The following SPATA6L variants were observed in gnomAD, a reference collection of about 807,000 sequenced individuals.
SPATA6L encodes the protein spermatogenesis associated 6-like protein.
A neutral mutation model predicts 49.2 loss-of-function variants in SPATA6L; 68 were observed. That is an observed-to-expected ratio of 1.38 (90% CI 1.14 to 1.69). The LOEUF is 1.69. Ranked by LOEUF, SPATA6L falls within the 40% of genes most tolerant of loss-of-function variation. SPATA6L has a pLI of 0.00. For missense variants in SPATA6L, 668 were observed against 464.3 expected (o/e 1.44, Z -4.03); for synonymous variants, 198 against 165.7 (o/e 1.19, Z -1.50).
At chr9:4,661,113 T>C (rs556408390) in intron 2 of SPATA6L, among the ~76,000 whole-genome samples, 205 of 152,268 alleles carry the variant, frequency 1.3e-3, no homozygotes, top group African/African-American at 4.6e-3. Flanking sequence ...ACGTTGTGCA[T>C]ATGTACCCTA....
intron 4 of SPATA6L, chr9:4,632,990 G>A (rs1831951724): frequency 6.6e-6 from 1 of 152,180 alleles, no homozygotes; most frequent in Non-Finnish European, 1.5e-5. Context: ...CTGTTACTTG[G>A]TTAGACATCA....
chr9:4,635,562 A>G (rs1748545954), intron 3 of SPATA6L, among the ~76,000 whole-genome samples, 163 bp from the exon 4 acceptor site: 1 of 152,212 alleles, frequency 6.6e-6, no homozygotes, highest in South Asian at 2.1e-4. Context: ...ACTACTTTTT[A>G]TCTCGTGGAT....
chr9:4,647,925 T>G (rs1835794802), intron 3 of SPATA6L, among the ~76,000 whole-genome samples: 1 of 151,850 alleles, frequency 6.6e-6, no homozygotes, highest in Non-Finnish European at 1.5e-5. Flanking sequence ...ACCTCTACCT[T>G]GCAGGTTCAA....
chr9:4,656,514 G>A (rs77629215), intron 2 of SPATA6L, among the ~76,000 whole-genome samples: 10,502 of 150,788 alleles, frequency 0.07, 882 homozygotes, highest in African/African-American at 0.19. Context: ...GGGAGGAGCC[G>A]TAAATTATAT....
chr9:4,666,299 C>G lies in SPATA6L; in HGVS notation c.-49G>C. ...CTGGAATGAGAAGATCCTTTTGTGC[C>G]GAGCCTTGGACCAATTTTTCTTAGT... On this transcript the variant is annotated 5_prime_UTR_variant, in exon 1 of 12. Transcript: ENST00000682582. 6.2e-7 allele frequency: 1 copy of G among 1,609,908 alleles called. No individual in the cohort carries two copies. Among genetic ancestry groups the G allele is most frequent in the Non-Finnish European group, 8.5e-7 (1 of 1,176,490 alleles).
At chr9:4,620,958 T>A (rs1380101596) in intron 7 of SPATA6L, among the ~76,000 whole-genome samples, 1 of 152,236 alleles carries the variant, frequency 6.6e-6, no homozygotes, top group Non-Finnish European at 1.5e-5. Context: ...CACATTCTGC[T>A]TCAAACTCTA....
chr9:4,625,733 C>T, intron 5 of SPATA6L, 167 bp from the exon 6 acceptor site: 1 of 486,416 alleles, frequency 2.1e-6, no homozygotes, highest in Non-Finnish European at 3.4e-6. Context: ...TAATTTTTTT[C>T]CTGTTCAGTT....
chr9:4,606,253 G>C (rs1283151749), intron 9 of SPATA6L, among the ~76,000 whole-genome samples: 2 of 140,380 alleles, frequency 1.4e-5, no homozygotes, highest in Non-Finnish European at 3.0e-5. Context: ...GGCTTGCTGA[G>C]GTAAACAAAG....
At chr9:4,655,402 G>C (rs1356019286) in intron 3 of SPATA6L, among the ~76,000 whole-genome samples, 1 of 152,208 alleles carries the variant, frequency 6.6e-6, no homozygotes, top group Non-Finnish European at 1.5e-5. Context: ...GGAATAGGGA[G>C]TGATTGCTAA....
chr9:4,655,900 T>C lies in SPATA6L; in HGVS notation c.226+141A>G, dbSNP rs1452823118. 6.9e-6 allele frequency: 5 copies of C among 721,108 alleles called. No individual in the cohort carries two copies. In the East Asian group the frequency reaches 1.4e-4, roughly 20 times the overall value. 44.7% of individuals were successfully genotyped at this position (721,108 alleles called of 1,614,324 possible). A position where few individuals can be genotyped will look rare whatever the true frequency, so the allele number is the denominator to read the frequency against. On this transcript the variant is annotated intron_variant, in intron 3 of 11. Coordinates refer to ENST00000682582, the MANE Select transcript of SPATA6L (RefSeq NM_001353486.2). ...GTATGTAACAGAATCAAAAATGTGA[T>C]TCAAATTTTACGTAGGCTGTCTTGA...
At chr9:4,589,741 CTA>C (rs976417855) in intron 13 of SPATA6L, among the ~76,000 whole-genome samples, 1 of 152,142 alleles carries the variant, frequency 6.6e-6, no homozygotes, top group Non-Finnish European at 1.5e-5. Flanking sequence ...TGCAGTCAGC[CTA>C]TAAATCTTGT....
chr9:4,610,055 A>G (rs1826295588), intron 9 of SPATA6L, among the ~76,000 whole-genome samples: 2 of 152,052 alleles, frequency 1.3e-5, no homozygotes, highest in African/African-American at 4.8e-5. Context: ...AATTGCTTCA[A>G]AGAGAATAAA....
At chr9:4,646,249 C>A (rs1835348452) in intron 3 of SPATA6L, 2 of 329,098 alleles carry the variant, frequency 6.1e-6, no homozygotes, top group Admixed American at 4.7e-5. Flanking sequence ...AATGGAAAGA[C>A]AAGGAGTCTG....
At chr9:4,611,404 T>A (rs150430039) in intron 9 of SPATA6L, among the ~76,000 whole-genome samples, 1 of 148,652 alleles carries the variant, frequency 6.7e-6, no homozygotes, top group Non-Finnish European at 1.5e-5. Context: ...AACCCAAATG[T>A]CCAAGAATGA....
chr9:4,628,961 G>C lies in SPATA6L; in HGVS notation c.429+130C>G. 5 of 660,264 alleles carry C rather than the reference G, an allele frequency of 7.6e-6. No individual in the cohort carries two copies. The South Asian group carries it at 8.7e-5, about 12-fold the overall frequency. 40.9% of individuals were successfully genotyped at this position (660,264 alleles called of 1,614,324 possible). A position where few individuals can be genotyped will look rare whatever the true frequency, so the allele number is the denominator to read the frequency against. ...TTTGAATTATAGAAATACAAACCTA[G>C]TAAAAACTTTCCAGGTTTCTACTTG... is the stretch of plus-strand genomic sequence containing the variant. On this transcript the variant is annotated intron_variant, in intron 5 of 11. Transcript: ENST00000682582.
At chr9:4,649,551 C>A (rs528356740) in intron 3 of SPATA6L, among the ~76,000 whole-genome samples, 26 of 152,330 alleles carry the variant, frequency 1.7e-4, no homozygotes, top group African/African-American at 6.3e-4. Flanking sequence ...CAAGGTCACA[C>A]TGGCTAACAG....
Position 4,622,413 on chromosome 9 carries a change from C to T in SPATA6L, c.767G>A (p.Arg256Lys). Residue 256 changes from arginine (R) to lysine (K), a missense_variant, in exon 7 of 12, where the codon AGA becomes AAA. Transcript: ENST00000682582. Reference sequence around the variant, plus strand: ...GTAACAAGAAACTCGAGTACCTCTTCTCGTTGGAAACGGAAAGTCTGAAAA... The same window carrying T: ...GTAACAAGAAACTCGAGTACCTCTTTTCGTTGGAAACGGAAAGTCTGAAAA... ...SKFSDFPFPT[R>K]RASSLDSLAA... 1 of 1,605,996 alleles carries T rather than the reference C, an allele frequency of 6.2e-7. No individual in the cohort carries two copies. The highest frequency in any genetic ancestry group is 1.1e-5 in the South Asian group (1 of 90,910).
intron 9 of SPATA6L, among the ~76,000 whole-genome samples, chr9:4,615,237 G>A (rs1323338046): frequency 1.3e-5 from 2 of 152,288 alleles, no homozygotes; most frequent in East Asian, 3.9e-4. Flanking sequence ...ACAAAGTGCT[G>A]CTTTGTAGAA....
Position 4,629,086 on chromosome 9 carries a change from C to G in SPATA6L, c.429+5G>C. On this transcript the variant is annotated splice_donor_5th_base_variant and intron_variant, in intron 5 of 11. Transcript: ENST00000682582. ...TTTCTATCACTAGATTTGTATTGTA[C>G]TTACAAGAAATCTGTTTCTATGCAG... 6.3e-7 allele frequency: 1 copy of G among 1,592,598 alleles called. No individual in the cohort carries two copies. The highest frequency in any genetic ancestry group is 1.1e-5 in the South Asian group (1 of 89,366).
Sources: gnomAD v4.1 joint callset for allele counts (sites outside exome capture counted in the v4.1 genomes callset) on GRCh38, gnomAD v4.1.1 for gene constraint, MANE v1.5 for transcripts, NCBI Gene and HGNC (gene_info 2026-07-23, HGNC 2026-07-21) for gene names.